Variants in SLC28A1 observed in about 807,000 individuals in gnomAD.
SLC28A1 encodes the protein sodium/nucleoside cotransporter 1.
SLC28A1 carries 64 observed loss-of-function variants against 74.8 expected under a neutral mutation model. The ratio of observed to expected loss-of-function variants is 0.86; its 90% CI spans 0.70 to 1.05. The LOEUF (loss-of-function observed/expected upper bound fraction) is 1.05, where lower values mean the gene tolerates loss of function less well. SLC28A1 is among the 50% of genes least tolerant of loss of function. The pLI is 0.00. For synonymous variants in SLC28A1, 359 were observed against 335.0 expected (o/e 1.07, Z -0.78); for missense variants, 828 against 822.8 (o/e 1.01, Z -0.08).
At chr15:84,973,969 T>A in the SLC28A1 span, among the ~76,000 whole-genome samples, 3 of 152,094 alleles carry the variant, frequency 2.0e-5, no homozygotes, top group East Asian at 5.8e-4. Context: ...ACAGGACACA[T>A]CTCCCCTGAC....
chr15:84,920,714 G>GTGTGTGTGTGTGTT (rs67647514), intron 10 of SLC28A1, among the ~76,000 whole-genome samples: 1 of 152,056 alleles, frequency 6.6e-6, no homozygotes, highest in Non-Finnish European at 1.5e-5. Flanking sequence ...GTGTGTGTGT[G>GTGTGTGTGTGTGTT]TGTGTGTGTG....
chr15:84,917,543 G>T (rs1313252929), intron 9 of SLC28A1, among the ~76,000 whole-genome samples: 4 of 152,058 alleles, frequency 2.6e-5, no homozygotes, highest in Admixed American at 6.6e-5. Context: ...TGAGTAGCTG[G>T]GACTATAGAC....
chr15:84,913,250 C>T (rs1968602693), intron 9 of SLC28A1, among the ~76,000 whole-genome samples: 1 of 152,152 alleles, frequency 6.6e-6, no homozygotes, highest in Non-Finnish European at 1.5e-5. Context: ...CTCACTGTGG[C>T]CTGGGGCTGG....
intron 5 of SLC28A1, 41 bp from the exon 6 acceptor site, chr15:84,894,899 G>A (rs1380345937): frequency 2.7e-5 from 43 of 1,597,734 alleles, no homozygotes; most frequent in Non-Finnish European, 3.5e-5. Context: ...CTGAAGAGGT[G>A]GTGTCCTGGC....
intron 9 of SLC28A1, among the ~76,000 whole-genome samples, chr15:84,914,662 C>T (rs773464590): frequency 2.0e-5 from 3 of 152,194 alleles, no homozygotes; most frequent in Non-Finnish European, 2.9e-5. Context: ...GACAAGCCCT[C>T]GTGGTTGGCA....
At chr15:84,922,170 A>G (rs1440959421) in intron 11 of SLC28A1, among the ~76,000 whole-genome samples, 1 of 152,086 alleles carries the variant, frequency 6.6e-6, no homozygotes, top group Non-Finnish European at 1.5e-5. Flanking sequence ...CTGCAGGATC[A>G]CATTAGCCCC....
intron 6 of SLC28A1, among the ~76,000 whole-genome samples, chr15:84,903,121 A>G (rs1025813634): frequency 6.6e-6 from 1 of 152,256 alleles, no homozygotes; most frequent in Non-Finnish European, 1.5e-5. Context: ...AAGATTGTGC[A>G]TGTTGAACTG....
intron 12 of SLC28A1, among the ~76,000 whole-genome samples, chr15:84,930,199 GGAAGGGTCAGGGTCCTGCCTGGT>G (rs1003393688): frequency 6.6e-5 from 10 of 152,248 alleles, no homozygotes; most frequent in African/African-American, 2.4e-4. Flanking sequence ...ACAAGTCAGA[GGAAGGGTCAGGGTCCTGCCTGGT>G]GGAGGGAAAA....
the SLC28A1 span, among the ~76,000 whole-genome samples, chr15:84,955,437 C>T: frequency 6.6e-6 from 1 of 152,208 alleles, no homozygotes; most frequent in Non-Finnish European, 1.5e-5. Flanking sequence ...CGCTTTGCAT[C>T]AGTAAAGTAG....
intron 6 of SLC28A1, among the ~76,000 whole-genome samples, chr15:84,897,303 T>C (rs1217713306): frequency 4.0e-5 from 6 of 151,578 alleles, no homozygotes; most frequent in African/African-American, 1.5e-4. Context: ...AGAGAATCAC[T>C]TGAACCCGGG....
At chr15:84,957,612 A>G in the SLC28A1 span, among the ~76,000 whole-genome samples, 1 of 152,188 alleles carries the variant, frequency 6.6e-6, no homozygotes, top group Non-Finnish European at 1.5e-5. Flanking sequence ...ACCGTTGTCA[A>G]AAATCAATTG....
At chr15:84,946,661 G>A (rs1017371784), downstream of SLC28A1, among the ~76,000 whole-genome samples, 1 of 152,058 alleles carries the variant, frequency 6.6e-6, no homozygotes, top group Non-Finnish European at 1.5e-5. Context: ...TGCGATGTGG[G>A]GCCTCTCTGT....
At chr15:84,947,317 T>C (rs982678241), downstream of SLC28A1, among the ~76,000 whole-genome samples, 2 of 152,176 alleles carry the variant, frequency 1.3e-5, no homozygotes, top group Non-Finnish European at 2.9e-5. Flanking sequence ...CACAGTCCTC[T>C]CCCAGGATTG....
intron 9 of SLC28A1, among the ~76,000 whole-genome samples, chr15:84,913,852 G>GAATT (rs901435263): frequency 8.5e-6 from 1 of 117,034 alleles, no homozygotes; most frequent in African/African-American, 2.9e-5. Flanking sequence ...CTGCAAGGTT[G>GAATT]AATTCTGTTG....
At chr15:84,943,903 CAA>C (rs1156848120) in intron 16 of SLC28A1, among the ~76,000 whole-genome samples, 7 of 132,688 alleles carry the variant, frequency 5.3e-5, no homozygotes, top group Non-Finnish European at 6.6e-5. Flanking sequence ...GACTCTGTCT[CAA>C]AAAAAAAAAA....
At chr15:84,942,792 G>A (rs574555476) in intron 15 of SLC28A1, among the ~76,000 whole-genome samples, 2 of 151,674 alleles carry the variant, frequency 1.3e-5, no homozygotes, top group East Asian at 1.9e-4. Context: ...GGAAGGGGCT[G>A]TCCACCAAAT....
chr15:84,960,363 T>C, the SLC28A1 span, among the ~76,000 whole-genome samples: 1 of 150,272 alleles, frequency 6.7e-6, no homozygotes, highest in Non-Finnish European at 1.5e-5. Context: ...ATTCAAGAGA[T>C]TCTCCTGCCT....
the SLC28A1 span, among the ~76,000 whole-genome samples, chr15:84,969,394 G>T: frequency 7.9e-5 from 12 of 152,214 alleles, no homozygotes; most frequent in Non-Finnish European, 1.3e-4. Flanking sequence ...AGGAAGAGAA[G>T]CCTGTGTGAA....
At chr15:84,909,984 C>T (rs2141832009) in intron 9 of SLC28A1, among the ~76,000 whole-genome samples, 1 of 152,366 alleles carries the variant, frequency 6.6e-6, no homozygotes, top group Middle Eastern at 3.4e-3. Context: ...GACTTCTGGG[C>T]TGGCGTTGAG....
Sources: allele counts gnomAD v4.1 joint callset (sites outside exome capture counted in the v4.1 genomes callset), GRCh38; gene constraint gnomAD v4.1.1; transcripts MANE v1.5; gene names NCBI Gene and HGNC (gene_info 2026-07-23, HGNC 2026-07-21).